Variants in PSD3 observed in about 807,000 individuals in gnomAD.
PSD3 encodes the protein PH and SEC7 domain-containing protein 3.
In PSD3, 49 loss-of-function variants were observed where a neutral mutation model predicts 105.5. The ratio of observed to expected loss-of-function variants is 0.46; its 90% CI spans 0.37 to 0.59. The LOEUF is 0.59. PSD3 is among the 20% of genes least tolerant of loss of function. The pLI, the probability that PSD3 is intolerant of heterozygous loss-of-function variation, is 0.00. For missense variants in PSD3, 1,561 were observed against 1,263.8 expected, an observed-to-expected ratio of 1.24 and a Z score of -3.57; for synonymous variants, 557 against 457.8, an observed-to-expected ratio of 1.22 and a Z score of -2.77.
chr8:19,030,437 G>A (rs1490466181), intron 1 of PSD3, among the ~76,000 whole-genome samples: 1 of 152,136 alleles, frequency 6.6e-6, no homozygotes, highest in East Asian at 1.9e-4. Context: ...AGTGGGAGGT[G>A]TTTTGATCAT....
chr8:18,912,334 A>G (rs1426580665), intron 2 of PSD3, among the ~76,000 whole-genome samples: 1 of 152,220 alleles, frequency 6.6e-6, no homozygotes, highest in Non-Finnish European at 1.5e-5. Context: ...CTTCAGGAAC[A>G]GCGCTTCACA....
At chr8:19,062,265 G>A (rs944073125) in intron 1 of PSD3, among the ~76,000 whole-genome samples, 3 of 152,194 alleles carry the variant, frequency 2.0e-5, no homozygotes, top group African/African-American at 7.2e-5. Flanking sequence ...TTAATTTATG[G>A]AATCCTGGCA....
intron 2 of PSD3, among the ~76,000 whole-genome samples, chr8:18,909,803 C>G (rs1820084763): frequency 6.6e-6 from 1 of 152,106 alleles, no homozygotes. Flanking sequence ...TTTTAAACTT[C>G]TTTAATTCTA....
At chr8:18,539,954 A>G (rs1045550240) in intron 15 of PSD3, among the ~76,000 whole-genome samples, 19 of 152,286 alleles carry the variant, frequency 1.2e-4, no homozygotes, top group African/African-American at 4.6e-4. Flanking sequence ...ATATTGCGGC[A>G]GACGGTGTTT....
chr8:18,775,596 T>A (rs1807981829), intron 8 of PSD3, among the ~76,000 whole-genome samples: 1 of 152,232 alleles, frequency 6.6e-6, no homozygotes, highest in Non-Finnish European at 1.5e-5. Context: ...ACACTGAACA[T>A]CTATTCATGT....
chr8:18,758,527 G>A (rs573395549), intron 9 of PSD3, among the ~76,000 whole-genome samples: 1 of 151,208 alleles, frequency 6.6e-6, no homozygotes, highest in Admixed American at 6.6e-5. Flanking sequence ...GATTTTTAAT[G>A]GCTGATTCAT....
At chr8:18,746,831 T>TG (rs1220376051) in intron 9 of PSD3, among the ~76,000 whole-genome samples, 2 of 152,254 alleles carry the variant, frequency 1.3e-5, no homozygotes, top group African/African-American at 2.4e-5. Flanking sequence ...ATGGACTGGT[T>TG]GGTCTTAATT....
chr8:19,013,214 T>C (rs1827035269), intron 1 of PSD3, among the ~76,000 whole-genome samples: 1 of 151,980 alleles, frequency 6.6e-6, no homozygotes, highest in Non-Finnish European at 1.5e-5. Context: ...AGAAACGTGA[T>C]AGTCCCTAAA....
rs374721709 is a variant in PSD3 at position 18,955,777 on chromosome 8, T to TTTAC, written c.22-19636_22-19635insGTAA. Among the ~76,000 whole-genome samples the TTTAC allele has an allele frequency of 2.2e-5, 3 of 136,962 alleles. No individual in the cohort carries two copies. The East Asian group carries it at 6.4e-4, about 29-fold the overall frequency. The allele number at this position is 136,962 out of a possible 152,430, so 89.9% of individuals were successfully genotyped here. ...CATATTTTATTTATTTATTTATTTATTTTATTTTTAAGACGGAGTCTCATT... is the reference window on the plus strand; with the variant it reads ...CATATTTTATTTATTTATTTATTTATTTACTTTATTTTTAAGACGGAGTCTCATT... On this transcript the variant is annotated intron_variant, in intron 1 of 15. Transcript: ENST00000327040.
At chr8:18,734,113 T>C (rs1031896536) in intron 9 of PSD3, 14 of 152,208 alleles carry the variant, frequency 9.2e-5, no homozygotes, top group African/African-American at 3.4e-4. Flanking sequence ...TAATTCTTAA[T>C]ATTGACAAAC....
At chr8:18,833,318 G>A (rs1366903896) in intron 4 of PSD3, among the ~76,000 whole-genome samples, 1 of 152,184 alleles carries the variant, frequency 6.6e-6, no homozygotes, top group Non-Finnish European at 1.5e-5. Flanking sequence ...GAAGGTGGAG[G>A]TGAGCAGCTG....
chr8:19,073,265 G>A (rs1030964371), intron 1 of PSD3, among the ~76,000 whole-genome samples: 4 of 152,120 alleles, frequency 2.6e-5, no homozygotes, highest in Non-Finnish European at 5.9e-5. Context: ...ATTAAGACAG[G>A]CCTGGCAGGG....
chr8:19,056,688 C>T (rs988215653), intron 1 of PSD3, among the ~76,000 whole-genome samples: 1 of 152,198 alleles, frequency 6.6e-6, no homozygotes. Flanking sequence ...CTAGGTTCCA[C>T]ATTGGGAAGC....
chr8:18,613,624 G>A (rs1243688008), intron 11 of PSD3, among the ~76,000 whole-genome samples: 5 of 152,032 alleles, frequency 3.3e-5, no homozygotes, highest in South Asian at 2.1e-4. Context: ...TGGCTAGAAT[G>A]TTCCTCTCCC....
chr8:18,679,613 T>C (rs927310319), intron 9 of PSD3, among the ~76,000 whole-genome samples: 2 of 152,172 alleles, frequency 1.3e-5, no homozygotes, highest in African/African-American at 4.8e-5. Context: ...AGAACAAAGA[T>C]ATCATTTTGT....
chr8:19,078,345 C>G (rs1271764685), intron 1 of PSD3, among the ~76,000 whole-genome samples: 1 of 152,082 alleles, frequency 6.6e-6, no homozygotes, highest in Non-Finnish European at 1.5e-5. Flanking sequence ...AAAAATCTCC[C>G]CAAAGTCTAT....
rs541184398 is a variant in PSD3 at position 18,531,284 on chromosome 8, T to C, written c.*4459A>G. ...AAACTGTCATGCAGATTCAAGTATT[T>C]AATGACATTCTCTCTATGAAGACAT... is the stretch of plus-strand genomic sequence containing the variant. On this transcript the variant is annotated 3_prime_UTR_variant, in exon 16 of 16. Transcript: ENST00000327040. 29 of 152,800 alleles carry C rather than the reference T, an allele frequency of 1.9e-4. No individual in the cohort carries two copies. Among genetic ancestry groups the C allele is most frequent in the Admixed American group, 1.7e-3 (26 of 15,312 alleles). The allele number at this position is 152,800 out of a possible 1,614,324, so 9.5% of individuals were successfully genotyped here.
At chr8:18,726,083 G>A (rs914112439) in intron 9 of PSD3, among the ~76,000 whole-genome samples, 10 of 152,178 alleles carry the variant, frequency 6.6e-5, no homozygotes, top group African/African-American at 2.2e-4. Flanking sequence ...GTTATTGAAA[G>A]ACAGAAGACA....
chr8:18,707,507 T>G (rs1272538147), intron 9 of PSD3, among the ~76,000 whole-genome samples: 1 of 152,226 alleles, frequency 6.6e-6, no homozygotes, highest in Non-Finnish European at 1.5e-5. Flanking sequence ...CACTTGCTAC[T>G]ACTGCCAGGC....
Sources: gnomAD v4.1 joint callset for allele counts (sites outside exome capture counted in the v4.1 genomes callset) on GRCh38, gnomAD v4.1.1 for gene constraint, MANE v1.5 for transcripts, NCBI Gene and HGNC (gene_info 2026-07-23, HGNC 2026-07-21) for gene names.